Variants in MAST4 observed in about 807,000 individuals in gnomAD.
MAST4 encodes microtubule associated serine/threonine kinase family member 4, also known as microtubule-associated serine/threonine-protein kinase 4.
MAST4 carries 89 observed loss-of-function variants against 162.7 expected under a neutral mutation model. The observed-to-expected ratio is 0.55, with a 90% CI of 0.46 to 0.65. The LOEUF (loss-of-function observed/expected upper bound fraction) is 0.65. MAST4 is among the 30% of genes least tolerant of loss of function. The pLI is 0.00. For missense variants in MAST4, 3,153 were observed against 3,374.0 expected (o/e 0.93, Z 1.62); for synonymous variants, 1,479 against 1,361.1 (o/e 1.09, Z -1.91).
chr5:66,958,565 A>T (rs1303180470), intron 4 of MAST4, among the ~76,000 whole-genome samples: 1 of 152,250 alleles, frequency 6.6e-6, no homozygotes, highest in South Asian at 2.1e-4. Context: ...GTTTCCTATC[A>T]TCGGGTTTGC....
In MAST4 at chr5:67,164,884, G is replaced by T. The variant is rs777039968; in HGVS notation, c.5705G>T (p.Gly1902Val). 1.4e-5 allele frequency: 22 copies of T among 1,613,862 alleles called. No individual in the cohort carries two copies. In the South Asian group the frequency reaches 2.1e-4, roughly 15 times the overall value. Reference sequence around the variant, plus strand: ...CCAGAGTTCAAGAGGGACAGGAAAGGTCCCCATCCTACTGCCAGGAGCCCT... The same window carrying T: ...CCAGAGTTCAAGAGGGACAGGAAAGTTCCCCATCCTACTGCCAGGAGCCCT... ...PDPEFKRDRK[G>V]PHPTARSPGT... Residue 1902 changes from glycine to valine, a missense_variant, in exon 29 of 29, where the codon GGT becomes GTT. Gly to Val is a moderately radical substitution (Grantham distance 109). Transcript: ENST00000403625. The surrounding 1 kb of genome is among the most constrained non-coding windows in gnomAD (Gnocchi z 5.3).
intron 4 of MAST4, among the ~76,000 whole-genome samples, chr5:67,047,005 G>A (rs906845609): frequency 6.6e-6 from 1 of 152,192 alleles, no homozygotes; most frequent in East Asian, 1.9e-4. Context: ...CAGGCTGATA[G>A]TATCAGCACT....
chr5:66,707,927 A>G (rs528377499), intron 1 of MAST4, among the ~76,000 whole-genome samples: 150 of 152,320 alleles, frequency 9.8e-4, no homozygotes, highest in African/African-American at 3.5e-3. Flanking sequence ...AAGACTTACC[A>G]TGAAGACAGA....
intron 2 of MAST4, among the ~76,000 whole-genome samples, chr5:66,772,786 A>T (rs903226121): frequency 1.3e-5 from 2 of 152,152 alleles, no homozygotes; most frequent in Non-Finnish European, 2.9e-5. Context: ...TGGGCCTTAG[A>T]TTCTTCATCT....
chr5:66,637,925 G>C (rs1314835745), intron 1 of MAST4, among the ~76,000 whole-genome samples: 3 of 152,092 alleles, frequency 2.0e-5, no homozygotes, highest in African/African-American at 7.2e-5. Context: ...TACCCAGGCT[G>C]GTCTCAAGTT....
chr5:66,812,257 T>G (rs1010263193), intron 3 of MAST4, among the ~76,000 whole-genome samples: 10 of 152,240 alleles, frequency 6.6e-5, no homozygotes, highest in African/African-American at 2.4e-4. Context: ...AAATTAATAT[T>G]CTGCTGCTGA....
chr5:66,830,531 GTA>G (rs1283139658), intron 3 of MAST4, among the ~76,000 whole-genome samples: 1 of 152,156 alleles, frequency 6.6e-6, no homozygotes, highest in Non-Finnish European at 1.5e-5. Flanking sequence ...GCCGTCCTCT[GTA>G]TAATGGATAA....
At chr5:67,016,476 T>A (rs1753297273) in intron 4 of MAST4, among the ~76,000 whole-genome samples, 1 of 152,210 alleles carries the variant, frequency 6.6e-6, no homozygotes, top group Admixed American at 6.5e-5. Flanking sequence ...TATAGAGCTC[T>A]GATAATTTTG....
At chr5:66,651,603 G>A (rs1746225094) in intron 1 of MAST4, among the ~76,000 whole-genome samples, 1 of 151,736 alleles carries the variant, frequency 6.6e-6, no homozygotes, top group East Asian at 1.9e-4. Flanking sequence ...TTACTTTATT[G>A]CTGTGTGACA....
At chr5:66,874,106 A>G (rs1419816807) in intron 3 of MAST4, among the ~76,000 whole-genome samples, 1 of 152,194 alleles carries the variant, frequency 6.6e-6, no homozygotes, top group Non-Finnish European at 1.5e-5. Flanking sequence ...GAAAACAAAG[A>G]TAAGTATTGT....
At chr5:66,783,113 G>A (rs1282405473) in intron 2 of MAST4, among the ~76,000 whole-genome samples, 1 of 152,104 alleles carries the variant, frequency 6.6e-6, no homozygotes, top group African/African-American at 2.4e-5. Flanking sequence ...GATTCCTCAG[G>A]ACAAGACCTA....
At chr5:66,680,795 T>A (rs1748281197) in intron 1 of MAST4, among the ~76,000 whole-genome samples, 1 of 152,022 alleles carries the variant, frequency 6.6e-6, no homozygotes, top group Non-Finnish European at 1.5e-5. Context: ...AGTGTCCTGG[T>A]GGTTTTGATA....
intron 1 of MAST4, among the ~76,000 whole-genome samples, chr5:66,668,421 A>G (rs9686381): frequency 0.32 from 49,181 of 152,032 alleles, 8,411 homozygotes; most frequent in African/African-American, 0.44. Context: ...TATAGAAAGG[A>G]TTTGAAAGAT....
intron 1 of MAST4, among the ~76,000 whole-genome samples, chr5:66,705,430 T>A (rs923780941): frequency 5.9e-5 from 9 of 152,052 alleles, no homozygotes; most frequent in African/African-American, 1.7e-4. Context: ...ACAAAAGATA[T>A]AAATGATAAA....
At chr5:67,091,900 C>T (rs993021477) in intron 6 of MAST4, among the ~76,000 whole-genome samples, 33 of 152,196 alleles carry the variant, frequency 2.2e-4, no homozygotes, top group African/African-American at 7.2e-4. Context: ...CATGAATTTC[C>T]GAATGGAACT....
At chr5:66,939,891 C>A (rs1743179699) in intron 4 of MAST4, among the ~76,000 whole-genome samples, 1 of 152,006 alleles carries the variant, frequency 6.6e-6, no homozygotes, top group African/African-American at 2.4e-5. Flanking sequence ...TGTGCAATAG[C>A]ATTCTGTCTA....
chr5:66,612,153 G>A (rs376016016), intron 1 of MAST4, among the ~76,000 whole-genome samples: 2 of 152,180 alleles, frequency 1.3e-5, no homozygotes, highest in East Asian at 3.8e-4. Flanking sequence ...TTAAAGTACT[G>A]GGGAGGTGAG....
At chr5:66,881,897 T>C (rs985984748) in intron 3 of MAST4, among the ~76,000 whole-genome samples, 2 of 152,172 alleles carry the variant, frequency 1.3e-5, no homozygotes, top group African/African-American at 4.8e-5. Flanking sequence ...TTAAACAAAA[T>C]TAAGCATTTA....
chr5:66,960,766 C>G (rs1394024266), intron 4 of MAST4, among the ~76,000 whole-genome samples: 1 of 151,876 alleles, frequency 6.6e-6, no homozygotes. Context: ...TCAATCTTGT[C>G]TACATTAAGA....
Sources: gnomAD v4.1 joint callset for allele counts (sites outside exome capture counted in the v4.1 genomes callset) on GRCh38, gnomAD v4.1.1 for gene constraint, Gnocchi (gnomAD v3.1) non-coding constraint, MANE v1.5 for transcripts, NCBI Gene and HGNC (gene_info 2026-07-23, HGNC 2026-07-21) for gene names.